Variants in ERI3 observed in about 807,000 individuals in gnomAD.
The protein encoded by ERI3 is ERI1 exoribonuclease 3.
Under a neutral mutation model 44.4 loss-of-function variants are expected in ERI3, and 18 were observed. The ratio of observed to expected loss-of-function variants is 0.41; its 90% CI spans 0.28 to 0.60. The LOEUF (loss-of-function observed/expected upper bound fraction) is 0.60, where lower values mean the gene tolerates loss of function less well. Ranked by LOEUF, ERI3 falls within the 20% of genes least tolerant of loss-of-function variation. ERI3 has a pLI of 0.36. For synonymous variants in ERI3, 183 were observed against 164.8 expected (o/e 1.11, Z -0.84); for missense variants, 294 against 435.5 (o/e 0.68, Z 2.89).
chr1:44,346,384 A>C (rs1185840426), intron 2 of ERI3, among the ~76,000 whole-genome samples: 1 of 152,210 alleles, frequency 6.6e-6, no homozygotes, highest in Non-Finnish European at 1.5e-5. Context: ...AAAAAGAGGC[A>C]ATTGTTTGTG....
intron 7 of ERI3, among the ~76,000 whole-genome samples, chr1:44,255,097 T>C (rs986157917): frequency 1.3e-5 from 2 of 152,218 alleles, no homozygotes; most frequent in African/African-American, 4.8e-5. Flanking sequence ...TGTAAAGTGC[T>C]TAAAACACTG....
chr1:44,231,816 G>A lies in ERI3; in HGVS notation c.932-10176C>T, dbSNP rs76745241. Among the ~76,000 whole-genome samples, 455 of 152,330 alleles carry A rather than the reference G, an allele frequency of 3.0e-3. 3 individuals carry two copies. The highest frequency in any genetic ancestry group is 5.1e-3 in the Non-Finnish European group (346 of 68,026). On this transcript the variant is annotated intron_variant, in intron 8 of 8. Transcript: ENST00000372257. ...GGGATGGGCATGTGTTCTGGCTACT[G>A]AGACATGAGGGTAAGTTTGCTGAAA...
chr1:44,352,459 T>C (rs1001420296), intron 2 of ERI3, among the ~76,000 whole-genome samples: 1 of 148,830 alleles, frequency 6.7e-6, no homozygotes, highest in East Asian at 1.9e-4. Context: ...GATAGATAGA[T>C]AGATAAATGT....
chr1:44,259,149 A>C (rs546135521), intron 7 of ERI3, among the ~76,000 whole-genome samples: 25 of 152,334 alleles, frequency 1.6e-4, no homozygotes, highest in African/African-American at 5.8e-4. Flanking sequence ...AAGAGACTTA[A>C]GCTCAAAGGA....
intron 3 of ERI3, 73 bp downstream of exon 3, chr1:44,338,972 C>A: frequency 1.3e-6 from 2 of 1,543,056 alleles, no homozygotes; most frequent in Admixed American, 3.6e-5. Flanking sequence ...TCCTTTGTGT[C>A]CCAGGAAGCA....
At chr1:44,281,601 A>AAAAAAAAAATAT (rs1460400186) in intron 7 of ERI3, among the ~76,000 whole-genome samples, 1 of 128,056 alleles carries the variant, frequency 7.8e-6, no homozygotes, top group African/African-American at 3.3e-5. Flanking sequence ...AAAAAAAAAA[A>AAAAAAAAAATAT]ATATATATAT....
intron 8 of ERI3, among the ~76,000 whole-genome samples, chr1:44,239,259 G>T (rs1391298620): frequency 2.0e-5 from 3 of 152,208 alleles, no homozygotes; most frequent in South Asian, 2.1e-4. Flanking sequence ...GTGATGGTAT[G>T]TGTGGCTATG....
At chr1:44,267,224 C>A (rs182940868) in intron 7 of ERI3, among the ~76,000 whole-genome samples, 1 of 152,186 alleles carries the variant, frequency 6.6e-6, no homozygotes, top group Admixed American at 6.5e-5. Context: ...ACATAAGCTA[C>A]AAGACTTGTA....
At chr1:44,347,576 C>A (rs372822144) in intron 2 of ERI3, among the ~76,000 whole-genome samples, 1 of 152,176 alleles carries the variant, frequency 6.6e-6, no homozygotes, top group Non-Finnish European at 1.5e-5. Flanking sequence ...AATCTCCCCC[C>A]TTTTGGTGGC....
At chr1:44,248,134 A>C in intron 7 of ERI3, 96 bp from the exon 8 acceptor site, 1 of 727,566 alleles carries the variant, frequency 1.4e-6, no homozygotes, top group Non-Finnish European at 2.2e-6. Context: ...TCTTTCCAAC[A>C]AGGAATCCCT....
intron 5 of ERI3, among the ~76,000 whole-genome samples, chr1:44,311,334 T>G (rs1018969052): frequency 1.3e-5 from 2 of 152,156 alleles, no homozygotes; most frequent in Admixed American, 1.3e-4. Context: ...CCTTTTACCA[T>G]GAGTCAGGTA....
At chr1:44,226,318 T>C (rs1644036602) in intron 8 of ERI3, among the ~76,000 whole-genome samples, 1 of 152,108 alleles carries the variant, frequency 6.6e-6, no homozygotes, top group East Asian at 1.9e-4. Context: ...AAGATGTTAA[T>C]ATTCTGAGAA....
chr1:44,355,062 T>TCCCTCCAGGTGCAGGCC lies in ERI3; in HGVS notation c.-53_-37dup, dbSNP rs1553204174. The TCCCTCCAGGTGCAGGCC allele has an allele frequency of 7.5e-7, 1 of 1,340,538 alleles. No homozygotes were observed. Among genetic ancestry groups the TCCCTCCAGGTGCAGGCC allele is most frequent in the Non-Finnish European group, 9.6e-7 (1 of 1,041,598 alleles). The allele number at this position is 1,340,538 out of a possible 1,614,324, so 83.0% of individuals were successfully genotyped here. A position where few individuals can be genotyped will look rare whatever the true frequency, so the allele number is the denominator to read the frequency against. On this transcript the variant is annotated 5_prime_UTR_variant, in exon 1 of 9. Transcript: ENST00000372257. The stretch of plus-strand genomic sequence containing the variant: ...CCTCCTCGGGGCCAGCGCGGCAGGC[T>TCCCTCCAGGTGCAGGCC]CCCTCCAGGTGCAGGCCCCGACGTC...
At chr1:44,314,085 T>G (rs1164059048) in intron 4 of ERI3, among the ~76,000 whole-genome samples, 2 of 151,406 alleles carry the variant, frequency 1.3e-5, no homozygotes, top group Non-Finnish European at 2.9e-5. Context: ...CCCCAGCATG[T>G]CCCTGGCTAC....
At chr1:44,310,963 G>GCGCGCGCGCGCGCGCACACACACACA (rs1373873768) in intron 5 of ERI3, among the ~76,000 whole-genome samples, 4 of 123,200 alleles carry the variant, frequency 3.2e-5, no homozygotes, top group Non-Finnish European at 6.8e-5. Context: ...GCGCGCGCGC[G>GCGCGCGCGCGCGCGCACACACACACA]CACACACACA....
rs537173663 is a variant in ERI3, at chr1:44,310,559, A to T, written c.667-2158T>A. 2.0e-5 allele frequency among the ~76,000 whole-genome samples: 3 copies of T among 152,322 alleles called. No homozygotes were observed. The South Asian group carries it at 6.2e-4, about 32-fold the overall frequency. On this transcript the variant is annotated intron_variant, in intron 5 of 8. Transcript: ENST00000372257. ...AGGACAAAGGCTGGAGGACTAGGTT[A>T]GGCCAGACCGTGAACGGCCTCGTGT... is the stretch of plus-strand genomic sequence containing the variant.
At chr1:44,237,852 T>A (rs1003254647) in intron 8 of ERI3, among the ~76,000 whole-genome samples, 1 of 152,154 alleles carries the variant, frequency 6.6e-6, no homozygotes, top group African/African-American at 2.4e-5. Context: ...GGCCACGGTC[T>A]GCATGCCCAC....
intron 8 of ERI3, among the ~76,000 whole-genome samples, chr1:44,246,594 C>G (rs562275921): frequency 1.3e-5 from 2 of 152,318 alleles, no homozygotes; most frequent in Admixed American, 1.3e-4. Flanking sequence ...TGAGATGCCC[C>G]CATATCACTA....
chr1:44,238,975 G>C (rs1265965622), intron 8 of ERI3, among the ~76,000 whole-genome samples: 1 of 152,000 alleles, frequency 6.6e-6, no homozygotes, highest in Admixed American at 6.6e-5. Context: ...AATTACGGAA[G>C]AAATGAGCTA....
Sources: allele counts gnomAD v4.1 joint callset (sites outside exome capture counted in the v4.1 genomes callset), GRCh38; gene constraint gnomAD v4.1.1; transcripts MANE v1.5; gene names NCBI Gene and HGNC (gene_info 2026-07-23, HGNC 2026-07-21).